The following PDE6B variants were observed in gnomAD, a reference collection of about 807,000 sequenced individuals.
PDE6B encodes rod cGMP-specific 3',5'-cyclic phosphodiesterase subunit beta.
A neutral mutation model predicts 109.0 loss-of-function variants in PDE6B; 106 were observed. The observed-to-expected ratio is 0.97, with a 90% confidence interval of 0.83 to 1.14. The LOEUF is 1.14. PDE6B is among the 50% of genes most tolerant of loss of function. The pLI is 0.00. For missense variants in PDE6B, 1,193 were observed against 1,155.6 expected, an observed-to-expected ratio of 1.03 and a Z score of -0.47; for synonymous variants, 490 against 471.3, an observed-to-expected ratio of 1.04 and a Z score of -0.51.
Position 663,919 on chromosome 4 carries a change from G to A in PDE6B, c.2021+49G>A, listed in dbSNP as rs950539356. ...GCCTCGCGGGGCGGGCGGGTAGCCTGGGACCCCCGGCAGACACGGGGGCGC... is the reference window on the plus strand; with the variant it reads ...GCCTCGCGGGGCGGGCGGGTAGCCTAGGACCCCCGGCAGACACGGGGGCGC... On this transcript the variant is annotated intron_variant, in intron 16 of 21. Coordinates refer to ENST00000496514, the MANE Select transcript of PDE6B (RefSeq NM_000283.4). This position sits in a 1 kb window ranked among gnomAD's most constrained non-coding sequence, Gnocchi z 4.0. The A allele has an allele frequency of 5.7e-6, 8 of 1,404,122 alleles. No individual in the cohort carries two copies. Among genetic ancestry groups the A allele is most frequent in the Admixed American group, 1.9e-5 (1 of 53,460 alleles). 87.0% of individuals were successfully genotyped at this position (1,404,122 alleles called of 1,614,324 possible).
chr4:640,528 G>A (rs1187958043), intron 3 of PDE6B, among the ~76,000 whole-genome samples: 1 of 152,090 alleles, frequency 6.6e-6, no homozygotes, highest in Non-Finnish European at 1.5e-5. Context: ...GACAGAGTGA[G>A]ACTCCATCTT....
rs149880099 is a variant in PDE6B at position 664,190 on chromosome 4, T to A, written c.2098T>A (p.Ser700Thr). 1.4e-4 allele frequency: 225 copies of A among 1,609,418 alleles called. No individual in the cohort carries two copies. The highest frequency in any genetic ancestry group is 9.9e-4 in the Middle Eastern group (6 of 6,048). Residue 700 changes from serine (S) to threonine (T), a missense_variant, in exon 17 of 22, where the codon TCC (serine) becomes ACC (threonine). By Grantham distance (58) the Ser-to-Thr change is moderately conservative. Coordinates refer to ENST00000496514, the MANE Select transcript of PDE6B (RefSeq NM_000283.4). ...QDKKSWVEYL[S>T]LETTRKEIVM... is the part of the protein sequence containing the mutation. The stretch of plus-strand genomic sequence containing the variant: ...CAAGAAGAGCTGGGTGGAGTACCTG[T>A]CCCTGGAGACGACCCGGAAGGAGAT...
chr4:662,354 A>G lies in PDE6B; in HGVS notation c.1722+113A>G. On this transcript the variant is annotated intron_variant, in intron 13 of 21. Transcript: ENST00000496514. This position sits in a 1 kb window ranked among gnomAD's most constrained non-coding sequence, Gnocchi z 4.3. The stretch of plus-strand genomic sequence containing the variant: ...TCCTCCCAGGGCAGAAGGATGGAGG[A>G]GGGCAACGCCCTCTGACACCGTGCA... 6.1e-6 allele frequency: 5 copies of G among 822,552 alleles called. No individual in the cohort carries two copies. The South Asian group carries it at 7.2e-5, about 12-fold the overall frequency. 51.0% of individuals were successfully genotyped at this position (822,552 alleles called of 1,614,324 possible).
intron 3 of PDE6B, among the ~76,000 whole-genome samples, chr4:637,900 C>T (rs551937028): frequency 6.6e-6 from 1 of 152,354 alleles, no homozygotes; most frequent in African/African-American, 2.4e-5. Flanking sequence ...AGCTGTCCTC[C>T]GCACAGGCAC....
chr4:661,890 G>T, intron 12 of PDE6B: 1 of 551,082 alleles, frequency 1.8e-6, no homozygotes, highest in Non-Finnish European at 3.3e-6. Context: ...CTGAAGGCTG[G>T]GGCTGTTCTC....
intron 10 of PDE6B, among the ~76,000 whole-genome samples, chr4:658,126 G>A (rs1371307471): frequency 2.0e-5 from 3 of 147,258 alleles, no homozygotes; most frequent in African/African-American, 7.6e-5. Flanking sequence ...AGGTCACCAG[G>A]GGTCACAGCT....
At chr4:653,513 G>C (rs990308770) in intron 3 of PDE6B, 1 of 489,592 alleles carries the variant, frequency 2.0e-6, no homozygotes, top group Non-Finnish European at 3.5e-6. Context: ...CTCGCCGCAG[G>C]TGGTTCTGGA....
In PDE6B at chr4:647,999, C is replaced by T. The variant is rs542235644; in HGVS notation, c.712-5853C>T. Among the ~76,000 whole-genome samples, 11 of 151,886 alleles carry T rather than the reference C, an allele frequency of 7.2e-5. No homozygotes were observed. The South Asian group carries it at 1.9e-3, about 26-fold the overall frequency. On this transcript the variant is annotated intron_variant, in intron 3 of 21. Transcript: ENST00000496514. Reference sequence around the variant, plus strand: ...CTGAGGCAGGAAAATTGCTTGAACCCGGGAGGCAGAGGTAGCAGTGAGCCA... The same window carrying T: ...CTGAGGCAGGAAAATTGCTTGAACCTGGGAGGCAGAGGTAGCAGTGAGCCA...
chr4:643,666 TA>T (rs1735048320), intron 3 of PDE6B, among the ~76,000 whole-genome samples: 1 of 152,078 alleles, frequency 6.6e-6, no homozygotes, highest in Non-Finnish European at 1.5e-5. Flanking sequence ...GTGATCAGTC[TA>T]TTTCATCTAA....
intron 17 of PDE6B, 53 bp from the exon 18 acceptor site, chr4:664,828 C>T: frequency 1.4e-6 from 2 of 1,389,958 alleles, no homozygotes; most frequent in Admixed American, 1.7e-5. Context: ...ACATATAAAC[C>T]ACCTGCCCTC....
intron 3 of PDE6B, among the ~76,000 whole-genome samples, chr4:646,732 C>T (rs1326551386): frequency 6.6e-6 from 1 of 152,062 alleles, no homozygotes; most frequent in Non-Finnish European, 1.5e-5. Context: ...GTTTCCACCT[C>T]GCATTTCCTG....
chr4:636,251 C>T lies in PDE6B; in HGVS notation c.711+282C>T, dbSNP rs1734673946. 6.6e-6 allele frequency among the ~76,000 whole-genome samples: 1 copy of T among 152,218 alleles called. No individual in the cohort carries two copies. The highest frequency in any genetic ancestry group is 2.4e-5 in the African/African-American group (1 of 41,462). ...CTTTCCTAGAGGCTGCCCCCAACCT[C>T]CTTGGGAGAAGCCAGTATGAGTGAC... On this transcript the variant is annotated intron_variant, in intron 3 of 21. Transcript: ENST00000496514. The surrounding 1 kb of genome is among the most constrained non-coding windows in gnomAD (Gnocchi z 4.5).
intron 3 of PDE6B, among the ~76,000 whole-genome samples, chr4:645,917 T>C (rs1735180239): frequency 6.6e-6 from 1 of 152,090 alleles, no homozygotes; most frequent in South Asian, 2.1e-4. Flanking sequence ...AACTTCTCAC[T>C]TCCACCCTTA....
rs1201869934 is a variant in PDE6B at position 665,902 on chromosome 4, C to T, written c.2268+573C>T. ...CCGCTCTGGTGGGCGGCGAGGGGCT[C>T]TCTGGAGCCTGCAGTGGAGAGGGCT... On this transcript the variant is annotated intron_variant, in intron 19 of 21. Transcript: ENST00000496514. This position sits in a 1 kb window ranked among gnomAD's most constrained non-coding sequence, Gnocchi z 4.0. Among the ~76,000 whole-genome samples the T allele has an allele frequency of 3.9e-5, 6 of 152,176 alleles. No homozygotes were observed. Among genetic ancestry groups the T allele is most frequent in the Admixed American group, 3.9e-4 (6 of 15,286 alleles).
Position 644,043 on chromosome 4 carries a change from C to T in PDE6B, c.711+8074C>T, listed in dbSNP as rs61323506. Among the ~76,000 whole-genome samples, 123 of 151,164 alleles carry T rather than the reference C, an allele frequency of 8.1e-4. 1 individual carries two copies. In the East Asian group the frequency reaches 0.016, roughly 20 times the overall value. On this transcript the variant is annotated intron_variant, in intron 3 of 21. Transcript: ENST00000496514. ...ATGCCATTCTCCTGCCTCAGCCTCC[C>T]GAGTAGCTGGAACTACAGACACACA...
rs1577300664 is a variant in PDE6B, at chr4:663,605, C to T, written c.1921-165C>T. The T allele has an allele frequency of 3.0e-6, 2 of 666,052 alleles. No homozygotes were observed. Among genetic ancestry groups the T allele is most frequent in the Non-Finnish European group, 2.7e-6 (1 of 366,124 alleles). 41.3% of individuals were successfully genotyped at this position (666,052 alleles called of 1,614,324 possible). A position where few individuals can be genotyped will look rare whatever the true frequency, so the allele number is the denominator to read the frequency against. On this transcript the variant is annotated intron_variant, in intron 15 of 21. Coordinates refer to ENST00000496514, the MANE Select transcript of PDE6B (RefSeq NM_000283.4). This position sits in a 1 kb window ranked among gnomAD's most constrained non-coding sequence, Gnocchi z 4.0. ...GAGCCGCTGGTGGAGAGCTGGGCAC[C>T]CTGAGGAGGGCCCTGAGCAGCAGGC...
At position 654,589 on chromosome 4, in the gene PDE6B, C is replaced by T; in HGVS notation, c.928-235C>T. ...TCCCGTGAGTATTGGGGACGGTCTG[C>T]ATGTGTGTGCACCCTGAGCCTGTGC... On this transcript the variant is annotated intron_variant, in intron 5 of 21. Transcript: ENST00000496514. 2.7e-5 allele frequency: 17 copies of T among 628,340 alleles called. No homozygotes were observed. The South Asian group carries it at 3.0e-4, about 11-fold the overall frequency. The allele number at this position is 628,340 out of a possible 1,614,324, so 38.9% of individuals were successfully genotyped here.
At chr4:656,653 G>A (rs888824148) in intron 8 of PDE6B, among the ~76,000 whole-genome samples, 14 of 152,176 alleles carry the variant, frequency 9.2e-5, no homozygotes, top group African/African-American at 3.1e-4. Flanking sequence ...GTGGGAAAAC[G>A]GCCTCTACCT....
intron 21 of PDE6B, 135 bp from the exon 22 acceptor site, chr4:669,911 G>A: frequency 3.9e-6 from 3 of 768,862 alleles, no homozygotes; most frequent in South Asian, 1.4e-5. Context: ...CAGCTAATCG[G>A]CTTGGGCTGG....
Sources: allele counts gnomAD v4.1 joint callset (sites outside exome capture counted in the v4.1 genomes callset), GRCh38; gene constraint gnomAD v4.1.1; non-coding constraint Gnocchi (gnomAD v3.1); transcripts MANE v1.5; gene names NCBI Gene and HGNC (gene_info 2026-07-23, HGNC 2026-07-21).